ADNP: variants seen among roughly 807,000 people sequenced by gnomAD.
ADNP encodes activity-dependent neuroprotector homeobox protein.
Under a neutral mutation model 84.9 loss-of-function variants are expected in ADNP, and 4 were observed. The observed-to-expected ratio is 0.05, with a 90% CI of 0.02 to 0.11. The LOEUF is 0.11. ADNP is among the 10% of genes least tolerant of loss of function. The pLI is 1.00. For synonymous variants in ADNP, 554 were observed against 468.1 expected (o/e 1.18, Z -2.37); for missense variants, 1,132 against 1,326.0 (o/e 0.85, Z 2.27).
chr20:50,897,341 TTC>T (rs1277936195), intron 5 of ADNP, among the ~76,000 whole-genome samples: 4 of 152,224 alleles, frequency 2.6e-5, no homozygotes, highest in African/African-American at 4.8e-5. Context: ...CAGTTTCCTT[TTC>T]TCTTTCCTCT....
intron 2 of ADNP, among the ~76,000 whole-genome samples, chr20:50,906,614 A>C (rs1394320470): frequency 6.6e-6 from 1 of 152,216 alleles, no homozygotes; most frequent in Non-Finnish European, 1.5e-5. Context: ...AAAAGAATCA[A>C]GCGGCAGCTT....
intron 1 of ADNP, among the ~76,000 whole-genome samples, chr20:50,929,148 G>C (rs1305099618): frequency 1.3e-5 from 2 of 152,174 alleles, no homozygotes; most frequent in Non-Finnish European, 2.9e-5. Context: ...ATGAAGAAGG[G>C]AGTTAACCAG....
Position 50,893,616 on chromosome 20 carries a change from T to A in ADNP, c.1098A>T (p.Val366=). 6.2e-7 allele frequency: 1 copy of A among 1,614,190 alleles called. No individual in the cohort carries two copies. The highest frequency in any genetic ancestry group is 1.3e-5 in the African/African-American group (1 of 75,040). The change falls in exon 6 of 6, where the codon GTA becomes GTT. Residue 366 remains valine, a synonymous_variant. Transcript: ENST00000621696. This position sits in a 1 kb window ranked among gnomAD's most constrained non-coding sequence, Gnocchi z 4.4. The part of the protein sequence containing the change: ...PVSIPQQSQS[V]KQLLPSGNGR... ...CGTTTCCACTTGGAAGTAACTGCTT[T>A]ACAGACTGAGATTGTTGAGGAATGG...
intron 2 of ADNP, among the ~76,000 whole-genome samples, chr20:50,916,608 G>T (rs1404073616): frequency 6.6e-6 from 1 of 152,182 alleles, no homozygotes; most frequent in East Asian, 1.9e-4. Flanking sequence ...ATGGTCGAGT[G>T]AGACAACAAT....
chr20:50,906,104 C>T (rs1461788566), intron 2 of ADNP, among the ~76,000 whole-genome samples: 3 of 152,070 alleles, frequency 2.0e-5, no homozygotes, highest in Admixed American at 6.5e-5. Flanking sequence ...CCCAGCTACT[C>T]GGGAGGCTGA....
chr20:50,897,572 C>T (rs1298854558), intron 5 of ADNP, among the ~76,000 whole-genome samples: 1 of 152,178 alleles, frequency 6.6e-6, no homozygotes, highest in Non-Finnish European at 1.5e-5. Flanking sequence ...TTGATGACAT[C>T]AACCCAAGCC....
chr20:50,918,098 G>T (rs747429084), intron 2 of ADNP, among the ~76,000 whole-genome samples: 2 of 152,042 alleles, frequency 1.3e-5, no homozygotes, highest in Non-Finnish European at 2.9e-5. Context: ...TTTCAGTTCT[G>T]CAAGATTAAA....
intron 2 of ADNP, among the ~76,000 whole-genome samples, chr20:50,909,087 T>C: frequency 6.7e-6 from 1 of 148,646 alleles, no homozygotes; most frequent in East Asian, 2.0e-4. Flanking sequence ...AAAAAAAAAA[T>C]TTGCCAGCCA....
At chr20:50,918,853 G>T (rs1983709396) in intron 2 of ADNP, among the ~76,000 whole-genome samples, 1 of 152,134 alleles carries the variant, frequency 6.6e-6, no homozygotes, top group African/African-American at 2.4e-5. Context: ...GCACTTTAAG[G>T]AAGTTTTGTT....
In ADNP at chr20:50,891,230, A is replaced by T; in HGVS notation, c.*175T>A. ...GTCTGTCAGAGAAGGTTCTGAAGCA[A>T]GAACAGCCTGTCCTGTCATAGACTT... On this transcript the variant is annotated 3_prime_UTR_variant, in exon 6 of 6. Coordinates refer to ENST00000621696, the MANE Select transcript of ADNP (RefSeq NM_001282531.3). The T allele has an allele frequency of 7.4e-7, 1 of 1,357,472 alleles. No individual in the cohort carries two copies. The highest frequency in any genetic ancestry group is 9.4e-7 in the Non-Finnish European group (1 of 1,061,334). The allele number at this position is 1,357,472 out of a possible 1,614,324, so 84.1% of individuals were successfully genotyped here.
chr20:50,904,111 C>T, intron 3 of ADNP, 110 bp from the exon 4 acceptor site: 1 of 755,160 alleles, frequency 1.3e-6, no homozygotes, highest in South Asian at 1.7e-5. Flanking sequence ...AAAAAAGGTG[C>T]ATAGATATCC....
At chr20:50,911,506 TTTTC>T (rs767592971) in intron 2 of ADNP, among the ~76,000 whole-genome samples, 2 of 149,298 alleles carry the variant, frequency 1.3e-5, no homozygotes, top group African/African-American at 2.5e-5. Context: ...ATTTCTTTTC[TTTTC>T]TTTTTTTTTT....
intron 2 of ADNP, among the ~76,000 whole-genome samples, chr20:50,910,412 T>G (rs1346158935): frequency 6.6e-6 from 1 of 152,176 alleles, no homozygotes; most frequent in East Asian, 1.9e-4. Flanking sequence ...AAGACCAGAC[T>G]GAGCAACACA....
chr20:50,914,635 C>T (rs1229955319), intron 2 of ADNP, among the ~76,000 whole-genome samples: 4 of 152,170 alleles, frequency 2.6e-5, no homozygotes, highest in Non-Finnish European at 5.9e-5. Context: ...TACTGAATTT[C>T]GGCTAATTCT....
chr20:50,924,150 C>T (rs2122993259), intron 2 of ADNP, among the ~76,000 whole-genome samples: 1 of 152,212 alleles, frequency 6.6e-6, no homozygotes, highest in East Asian at 1.9e-4. Context: ...CAGCAATTAT[C>T]TAAGAAAAAA....
intron 5 of ADNP, among the ~76,000 whole-genome samples, chr20:50,897,635 T>C (rs1016168995): frequency 2.0e-5 from 3 of 152,172 alleles, no homozygotes; most frequent in Non-Finnish European, 4.4e-5. Flanking sequence ...CAGAATTGTA[T>C]CAGAATCTTC....
At chr20:50,906,968 TTTTTTTTG>T (rs1982540334) in intron 2 of ADNP, among the ~76,000 whole-genome samples, 1 of 93,222 alleles carries the variant, frequency 1.1e-5, no homozygotes, top group South Asian at 5.2e-4. Flanking sequence ...TTCCAGTTTT[TTTTTTTTG>T]TTTTTTTTTT....
chr20:50,895,281 C>T (rs1305836838), intron 5 of ADNP, among the ~76,000 whole-genome samples: 2 of 152,208 alleles, frequency 1.3e-5, no homozygotes, highest in African/African-American at 4.8e-5. Flanking sequence ...GGCTACATGG[C>T]ATAGCTTATT....
At chr20:50,901,891 T>C in intron 5 of ADNP, 126 bp downstream of exon 5, 1 of 794,162 alleles carries the variant, frequency 1.3e-6, no homozygotes, top group Non-Finnish European at 2.1e-6. Flanking sequence ...AAATATGAAA[T>C]GCAATTTTGA....
Sources: allele counts gnomAD v4.1 joint callset (sites outside exome capture counted in the v4.1 genomes callset), GRCh38; gene constraint gnomAD v4.1.1; non-coding constraint Gnocchi (gnomAD v3.1); transcripts MANE v1.5; gene names NCBI Gene and HGNC (gene_info 2026-07-23, HGNC 2026-07-21).